SLC16A10: variants seen among roughly 807,000 people sequenced by gnomAD.
SLC16A10 encodes the protein solute carrier family 16 member 10, also known as monocarboxylate transporter 10.
SLC16A10 carries 27 observed loss-of-function variants against 40.0 expected under a neutral mutation model. That is an observed-to-expected ratio of 0.67 (90% CI 0.50 to 0.93). The LOEUF (loss-of-function observed/expected upper bound fraction) is 0.93. SLC16A10 is among the 40% of genes least tolerant of loss of function. The probability of loss-of-function intolerance (pLI) is 0.00; values close to 1 mark genes in which losing one functional copy is unlikely to be tolerated. For synonymous variants in SLC16A10, 213 were observed against 249.8 expected, an observed-to-expected ratio of 0.85 and a Z score of 1.39; for missense variants, 529 against 658.2, an observed-to-expected ratio of 0.80 and a Z score of 2.15.
chr6:111,147,894 G>A (rs770113431), intron 1 of SLC16A10, among the ~76,000 whole-genome samples: 3 of 152,150 alleles, frequency 2.0e-5, no homozygotes, highest in Non-Finnish European at 4.4e-5. Flanking sequence ...TTTGATTTGC[G>A]AGTGTGTGTT....
At chr6:111,109,961 T>C (rs1319550794) in intron 1 of SLC16A10, among the ~76,000 whole-genome samples, 1 of 151,470 alleles carries the variant, frequency 6.6e-6, no homozygotes, top group East Asian at 1.9e-4. Flanking sequence ...TACTGTGTAC[T>C]TTTTTTTTGA....
chr6:111,204,138 C>T (rs1273131443), intron 3 of SLC16A10, among the ~76,000 whole-genome samples: 2 of 152,104 alleles, frequency 1.3e-5, no homozygotes, highest in East Asian at 1.9e-4. Flanking sequence ...GTAGTGGTCC[C>T]GGTGAGGAGT....
At chr6:111,114,311 C>G (rs989707469) in intron 1 of SLC16A10, among the ~76,000 whole-genome samples, 7 of 152,120 alleles carry the variant, frequency 4.6e-5, no homozygotes, top group Non-Finnish European at 7.4e-5. Flanking sequence ...AATGAAAAGA[C>G]AAAGTTGTGA....
chr6:111,094,814 A>T (rs1771044978), intron 1 of SLC16A10, among the ~76,000 whole-genome samples: 2 of 151,966 alleles, frequency 1.3e-5, no homozygotes, highest in Non-Finnish European at 2.9e-5. Flanking sequence ...ATTAAAAAAA[A>T]TTTTTATGTG....
rs1309122521 is a variant in SLC16A10, at chr6:111,227,346, A to G, written c.*5111A>G. The G allele has an allele frequency of 6.6e-6, 1 of 152,218 alleles. No homozygotes were observed. The highest frequency in any genetic ancestry group is 1.5e-5 in the Non-Finnish European group (1 of 68,034). The allele number at this position is 152,218 out of a possible 1,614,324, so 9.4% of individuals were successfully genotyped here. The stretch of plus-strand genomic sequence containing the variant: ...CTTTGTGTTATAAATATACTATAGA[A>G]CAATAGGTCACGATTCTCAAGAACA... On this transcript the variant is annotated 3_prime_UTR_variant, in exon 6 of 6. Transcript: ENST00000368851.
chr6:111,148,678 G>A (rs1004152376), intron 1 of SLC16A10, among the ~76,000 whole-genome samples: 1 of 152,228 alleles, frequency 6.6e-6, no homozygotes, highest in African/African-American at 2.4e-5. Flanking sequence ...TGCTCCTGGT[G>A]GACAGTGTGT....
At chr6:111,132,999 C>T (rs981159537) in intron 1 of SLC16A10, among the ~76,000 whole-genome samples, 3 of 152,216 alleles carry the variant, frequency 2.0e-5, no homozygotes, top group African/African-American at 7.2e-5. Flanking sequence ...CCTACACCCT[C>T]TCTGAAATGA....
At chr6:111,161,424 A>G (rs189204791) in intron 1 of SLC16A10, among the ~76,000 whole-genome samples, 21 of 152,066 alleles carry the variant, frequency 1.4e-4, no homozygotes, top group Admixed American at 1.2e-3. Context: ...CTACACCCCT[A>G]TCTGCCTAGG....
intron 1 of SLC16A10, among the ~76,000 whole-genome samples, chr6:111,114,697 T>G (rs1771453611): frequency 1.3e-5 from 2 of 151,894 alleles, no homozygotes; most frequent in Non-Finnish European, 2.9e-5. Context: ...GGGAGGGAAA[T>G]GGAGGGGGGA....
At chr6:111,151,466 C>A (rs1427661464) in intron 1 of SLC16A10, among the ~76,000 whole-genome samples, 1 of 152,184 alleles carries the variant, frequency 6.6e-6, no homozygotes, top group Non-Finnish European at 1.5e-5. Flanking sequence ...TCTCTCAAAT[C>A]GGTCTCCTTG....
chr6:111,195,039 G>A (rs1322583594), intron 3 of SLC16A10, among the ~76,000 whole-genome samples: 2 of 152,028 alleles, frequency 1.3e-5, no homozygotes, highest in South Asian at 2.1e-4. Context: ...TGTCATACTC[G>A]GTGCCTCCTT....
intron 5 of SLC16A10, 78 bp downstream of exon 5, chr6:111,219,120 A>G (rs957489880): frequency 1.6e-6 from 2 of 1,273,538 alleles, no homozygotes; most frequent in Admixed American, 2.1e-5. Flanking sequence ...TCTCATTTAT[A>G]TGTAAAACAT....
intron 1 of SLC16A10, among the ~76,000 whole-genome samples, chr6:111,129,711 A>C (rs1375334654): frequency 6.6e-6 from 1 of 152,216 alleles, no homozygotes; most frequent in East Asian, 1.9e-4. Flanking sequence ...CTTTACTGAC[A>C]GCTCCCCATA....
chr6:111,143,039 G>A (rs1375276583), intron 1 of SLC16A10, among the ~76,000 whole-genome samples: 1 of 152,162 alleles, frequency 6.6e-6, no homozygotes, highest in Non-Finnish European at 1.5e-5. Flanking sequence ...GTGCTAAAAA[G>A]GAATGAGGTA....
At chr6:111,112,909 A>G (rs906950380) in intron 1 of SLC16A10, among the ~76,000 whole-genome samples, 5 of 152,210 alleles carry the variant, frequency 3.3e-5, no homozygotes, top group African/African-American at 4.8e-5. Context: ...ACATACTTCA[A>G]GTATATCAGC....
intron 2 of SLC16A10, among the ~76,000 whole-genome samples, chr6:111,175,006 A>C (rs547672917): frequency 6.6e-6 from 1 of 152,196 alleles, no homozygotes; most frequent in Non-Finnish European, 1.5e-5. Context: ...TTCGTTATTT[A>C]GCTTGCTGAT....
chr6:111,210,286 G>A (rs1180701021), intron 4 of SLC16A10, among the ~76,000 whole-genome samples: 1 of 152,148 alleles, frequency 6.6e-6, no homozygotes, highest in Admixed American at 6.5e-5. Context: ...GTGTCTGTGT[G>A]TATAGAGGTC....
intron 1 of SLC16A10, among the ~76,000 whole-genome samples, chr6:111,096,743 A>G (rs1771081053): frequency 6.6e-6 from 1 of 152,242 alleles, no homozygotes; most frequent in South Asian, 2.1e-4. Flanking sequence ...AATACAGATT[A>G]GAAATACTGA....
At chr6:111,194,922 C>T (rs1002769305) in intron 3 of SLC16A10, among the ~76,000 whole-genome samples, 9 of 152,066 alleles carry the variant, frequency 5.9e-5, no homozygotes, top group African/African-American at 2.2e-4. Flanking sequence ...GGGAATTGCC[C>T]AGGATTAGGA....
Sources: gnomAD v4.1 joint callset for allele counts (sites outside exome capture counted in the v4.1 genomes callset) on GRCh38, gnomAD v4.1.1 for gene constraint, MANE v1.5 for transcripts, NCBI Gene and HGNC (gene_info 2026-07-23, HGNC 2026-07-21) for gene names.